The following ZNF493 variants were observed in gnomAD, a reference collection of about 807,000 sequenced individuals.
ZNF493 encodes the protein zinc finger protein 493.
A neutral mutation model predicts 12.2 loss-of-function variants in ZNF493; 11 were observed. The ratio of observed to expected loss-of-function variants is 0.90; its 90% confidence interval spans 0.57 to 1.50. The LOEUF (loss-of-function observed/expected upper bound fraction) is 1.50. Among genes scored for constraint, ZNF493 ranks in the 40% most tolerant of loss-of-function variants. ZNF493 has a pLI of 0.00. For missense variants in ZNF493, 950 were observed against 906.6 expected (o/e 1.05, Z -0.61); for synonymous variants, 286 against 302.6 (o/e 0.95, Z 0.57).
Position 21,425,440 on chromosome 19 carries a change from A to T in ZNF493, c.*456A>T. The T allele has an allele frequency of 2.2e-6, 1 of 456,820 alleles. No homozygotes were observed. The highest frequency in any genetic ancestry group is 2.0e-5 in the South Asian group (1 of 50,362). The allele number at this position is 456,820 out of a possible 1,614,324, so 28.3% of individuals were successfully genotyped here. A position where few individuals can be genotyped will look rare whatever the true frequency, so the allele number is the denominator to read the frequency against. ...ATTCATAAAGGAGATAAATTATACA[A>T]ATGTGAAGAATGTGGCAAAGCTTTT... On this transcript the variant is annotated 3_prime_UTR_variant, in exon 4 of 4. Coordinates refer to ENST00000392288, the MANE Select transcript of ZNF493 (RefSeq NM_001076678.3).
At chr19:21,422,246 C>T (rs2030699828) in intron 3 of ZNF493, among the ~76,000 whole-genome samples, 1 of 152,082 alleles carries the variant, frequency 6.6e-6, no homozygotes, top group Admixed American at 6.6e-5. Flanking sequence ...CCTTTGGTCT[C>T]AGCAGACTCA....
chr19:21,415,000 A>G (rs2030437396), intron 3 of ZNF493, among the ~76,000 whole-genome samples: 1 of 152,208 alleles, frequency 6.6e-6, no homozygotes, highest in Non-Finnish European at 1.5e-5. Flanking sequence ...CGTGAGAGAG[A>G]CAATAACTTT....
At chr19:21,417,974 A>ACC (rs1359451270) in intron 3 of ZNF493, among the ~76,000 whole-genome samples, 5 of 152,356 alleles carry the variant, frequency 3.3e-5, no homozygotes, top group African/African-American at 1.2e-4. Context: ...GAAAAGGCTC[A>ACC]AATGTAGCTA....
intron 1 of ZNF493, among the ~76,000 whole-genome samples, chr19:21,400,322 A>C (rs1296079345): frequency 6.6e-6 from 1 of 152,064 alleles, no homozygotes; most frequent in Admixed American, 6.6e-5. Flanking sequence ...AGGCAGGAGA[A>C]TGGCTTAAAC....
rs574890312 is a variant in ZNF493, at chr19:21,407,283, AATT to A, written c.253+1440_253+1442del. Among the ~76,000 whole-genome samples, 311 of 152,088 alleles carry A rather than the reference AATT, an allele frequency of 2.0e-3. 3 individuals are homozygous for A. The highest frequency in any genetic ancestry group is 6.1e-3 in the African/African-American group (253 of 41,494). On this transcript the variant is annotated intron_variant, in intron 3 of 3. Coordinates refer to ENST00000392288, the MANE Select transcript of ZNF493 (RefSeq NM_001076678.3). ...GGAATCACTATTATTAATCTTAAAA[AATT>A]ATTATTATTATTTTTTTTTTGAGAT...
chr19:21,420,141 A>G (rs146484044), intron 3 of ZNF493, among the ~76,000 whole-genome samples: 155 of 152,228 alleles, frequency 1.0e-3, no homozygotes, highest in African/African-American at 3.4e-3. Context: ...CTTCACCAAC[A>G]CAGGCTTCTG....
chr19:21,422,382 T>C (rs955236590), intron 3 of ZNF493, among the ~76,000 whole-genome samples: 2 of 101,438 alleles, frequency 2.0e-5, no homozygotes, highest in African/African-American at 3.0e-5. Context: ...TTTACTAGTC[T>C]TTTTTTTTTT....
intron 1 of ZNF493, among the ~76,000 whole-genome samples, chr19:21,399,165 A>AT (rs1335408106): frequency 6.6e-6 from 1 of 151,576 alleles, no homozygotes; most frequent in Non-Finnish European, 1.5e-5. Flanking sequence ...TTTATTTTTT[A>AT]TTTTTTTATT....
At chr19:21,420,623 ATTTTTTTTTTTTTTTTT>A (rs1164416201) in intron 3 of ZNF493, among the ~76,000 whole-genome samples, 1 of 16,124 alleles carries the variant, frequency 6.2e-5, no homozygotes, top group African/African-American at 2.2e-4. Context: ...ATATATATAT[ATTTTTTTTTTTTTTTTT>A]TTTTTTTTTT....
Position 21,424,764 on chromosome 19 carries a change from C to A in ZNF493, c.2105C>A (p.Thr702Lys), listed in dbSNP as rs771695340. ...TTCTACCGATTCTCAAACCTTAATA[C>A]GCATAAGATAATTCATACTGGAGAG... The part of the protein sequence containing the change: ...KTFYRFSNLN[T>K]HKIIHTGEKP... Residue 702 changes from threonine (T) to lysine (K), a missense_variant, in exon 4 of 4, where the codon ACG becomes AAG. By Grantham distance (78) the Thr-to-Lys change is moderately conservative. Transcript: ENST00000392288. 1 of 1,610,594 alleles carries A rather than the reference C, an allele frequency of 6.2e-7. No individual in the cohort carries two copies. The highest frequency in any genetic ancestry group is 2.2e-5 in the East Asian group (1 of 44,578).
intron 1 of ZNF493, among the ~76,000 whole-genome samples, chr19:21,404,213 C>T (rs755346282): frequency 6.6e-6 from 1 of 152,162 alleles, no homozygotes; most frequent in African/African-American, 2.4e-5. Flanking sequence ...AATTGCAGAA[C>T]ATAGAAGATA....
rs181198606 is a variant in ZNF493 at position 21,424,963 on chromosome 19, T to C, written c.2304T>C (p.Thr768=). ...AGATAATTCATATTGGAATTCATAC[T>C]GAAGAGACTGTACAAAAGTGAAGAA... is the stretch of plus-strand genomic sequence containing the variant. ...RHKIIHIGIH[T]EETVQK Residue 768 remains threonine, a synonymous_variant, in exon 4 of 4, where the codon ACT becomes ACC. Transcript: ENST00000392288. The C allele has an allele frequency of 6.3e-7, 1 of 1,593,806 alleles. No homozygotes were observed. Among genetic ancestry groups the C allele is most frequent in the East Asian group, 2.2e-5 (1 of 44,704 alleles).
intron 3 of ZNF493, among the ~76,000 whole-genome samples, chr19:21,410,056 GTGTGTATATA>G (rs2030270882): frequency 8.2e-5 from 2 of 24,250 alleles, no homozygotes; most frequent in Non-Finnish European, 1.3e-4. Flanking sequence ...ATATTTCATT[GTGTGTATATA>G]TATATATATA....
At chr19:21,410,344 C>T (rs1039294335) in intron 3 of ZNF493, among the ~76,000 whole-genome samples, 1 of 151,962 alleles carries the variant, frequency 6.6e-6, no homozygotes, top group East Asian at 1.9e-4. Context: ...ACATAGGTTT[C>T]ATTTTTATTG....
intron 1 of ZNF493, among the ~76,000 whole-genome samples, chr19:21,399,777 A>G (rs933464166): frequency 6.6e-6 from 1 of 152,170 alleles, no homozygotes; most frequent in Non-Finnish European, 1.5e-5. Flanking sequence ...AGTGCTGCCA[A>G]GAAAAAGGAG....
chr19:21,397,338 G>A (rs746799274), intron 1 of ZNF493, 71 bp downstream of exon 1: 24 of 1,579,090 alleles, frequency 1.5e-5, no homozygotes, highest in Non-Finnish European at 2.6e-6. Flanking sequence ...AGTGGCTGTG[G>A]CGGGACTCAG....
At chr19:21,413,172 A>AT (rs1599374189) in intron 3 of ZNF493, 4 of 309,342 alleles carry the variant, frequency 1.3e-5, no homozygotes, top group Admixed American at 4.7e-5. Flanking sequence ...AAGTACATTC[A>AT]TTTTTTCTGG....
At chr19:21,417,875 G>A (rs6511246) in intron 3 of ZNF493, among the ~76,000 whole-genome samples, 84,238 of 152,048 alleles carry the variant, frequency 0.55, 23,586 homozygotes, top group Middle Eastern at 0.67. Flanking sequence ...GACTGGAAAC[G>A]GCAACATTCT....
At chr19:21,406,691 T>C (rs1347764067) in intron 3 of ZNF493, among the ~76,000 whole-genome samples, 1 of 152,184 alleles carries the variant, frequency 6.6e-6, no homozygotes, top group African/African-American at 2.4e-5. Context: ...TAGTATATTC[T>C]TGAAATATAG....
Sources: gnomAD v4.1 joint callset for allele counts (sites outside exome capture counted in the v4.1 genomes callset) on GRCh38, gnomAD v4.1.1 for gene constraint, MANE v1.5 for transcripts, NCBI Gene and HGNC (gene_info 2026-07-23, HGNC 2026-07-21) for gene names.